Variants in ELMO1 observed in about 807,000 individuals in gnomAD.
ELMO1 encodes the protein engulfment and cell motility 1.
In ELMO1, 26 loss-of-function variants were observed where a neutral mutation model predicts 98.9. That is an observed-to-expected ratio of 0.26 (90% CI 0.19 to 0.36). ELMO1 has a LOEUF of 0.36. Among genes scored for constraint, ELMO1 ranks in the 10% least tolerant of loss-of-function variants. The pLI is 1.00. For synonymous variants in ELMO1, 346 were observed against 346.0 expected (o/e 1.00, Z 0.00); for missense variants, 627 against 935.2 (o/e 0.67, Z 4.30).
At chr7:37,038,330 T>G (rs956569115) in intron 15 of ELMO1, among the ~76,000 whole-genome samples, 1 of 152,194 alleles carries the variant, frequency 6.6e-6, no homozygotes, top group African/African-American at 2.4e-5. Context: ...TGTCCCTGGA[T>G]GCTTTAGGTT....
At chr7:36,980,352 G>A (rs370033794) in intron 16 of ELMO1, among the ~76,000 whole-genome samples, 2 of 152,192 alleles carry the variant, frequency 1.3e-5, no homozygotes, top group South Asian at 4.1e-4. Context: ...TCTGAAGCTC[G>A]ATCTGGATAC....
chr7:37,100,834 T>C (rs1784598952), intron 14 of ELMO1, among the ~76,000 whole-genome samples: 1 of 152,244 alleles, frequency 6.6e-6, no homozygotes, highest in African/African-American at 2.4e-5. Context: ...TGAGAAGCAC[T>C]GATAATGTGG....
intron 15 of ELMO1, among the ~76,000 whole-genome samples, chr7:37,066,537 T>C (rs1796978548): frequency 1.3e-5 from 2 of 152,168 alleles, no homozygotes; most frequent in Non-Finnish European, 2.9e-5. Context: ...TAGGCCTCTG[T>C]GCCTCAAAGA....
intron 19 of ELMO1, among the ~76,000 whole-genome samples, chr7:36,873,352 G>A (rs1459580454): frequency 6.6e-6 from 1 of 152,156 alleles, no homozygotes; most frequent in Admixed American, 6.5e-5. Flanking sequence ...TCAAAGCCAG[G>A]CTAGCATTTT....
chr7:37,029,106 G>C (rs773528983), intron 15 of ELMO1, among the ~76,000 whole-genome samples: 1 of 152,138 alleles, frequency 6.6e-6, no homozygotes, highest in Admixed American at 6.5e-5. Flanking sequence ...CCAGACGTAC[G>C]TGCAGGAGGC....
chr7:37,339,409 T>C (rs1388771218), intron 2 of ELMO1, among the ~76,000 whole-genome samples: 1 of 152,148 alleles, frequency 6.6e-6, no homozygotes, highest in Non-Finnish European at 1.5e-5. Flanking sequence ...TGGGAGACAA[T>C]AGAGCAGCAG....
At chr7:37,008,443 T>C (rs1440832934) in intron 16 of ELMO1, among the ~76,000 whole-genome samples, 1 of 152,222 alleles carries the variant, frequency 6.6e-6, no homozygotes, top group African/African-American at 2.4e-5. Context: ...CATGGGTTAC[T>C]AATTCAGTTC....
chr7:37,280,689 A>T (rs1239929735), intron 4 of ELMO1, among the ~76,000 whole-genome samples: 2 of 150,410 alleles, frequency 1.3e-5, no homozygotes, highest in Non-Finnish European at 1.5e-5. Context: ...AATCAAAAAA[A>T]TAAAAAAAAC....
At chr7:36,965,499 C>T (rs954510303) in intron 16 of ELMO1, among the ~76,000 whole-genome samples, 4 of 152,086 alleles carry the variant, frequency 2.6e-5, no homozygotes, top group African/African-American at 4.8e-5. Context: ...GGGGAATTGC[C>T]GAGATGCTCA....
intron 9 of ELMO1, 97 bp from the exon 10 acceptor site, chr7:37,222,790 C>T: frequency 9.2e-7 from 1 of 1,081,518 alleles, no homozygotes; most frequent in Non-Finnish European, 1.4e-6. Flanking sequence ...CAGCCCCCTC[C>T]CCCCAAAAAA....
rs1447612766 is a variant in ELMO1, at chr7:36,870,031, G to A, written c.1905+362C>T. On this transcript the variant is annotated intron_variant, in intron 20 of 21. Transcript: ENST00000310758. This position sits in a 1 kb window ranked among gnomAD's most constrained non-coding sequence, Gnocchi z 4.4. Reference sequence around the variant, plus strand: ...AATGAAAGATATTGGGGTGGAAGTTGGAGAAGGGAGAAATAAACATAAATG... The same window carrying A: ...AATGAAAGATATTGGGGTGGAAGTTAGAGAAGGGAGAAATAAACATAAATG... Among the ~76,000 whole-genome samples the A allele has an allele frequency of 2.0e-5, 3 of 152,218 alleles. No homozygotes were observed. The highest frequency in any genetic ancestry group is 7.2e-5 in the African/African-American group (3 of 41,464).
At chr7:37,010,307 G>A (rs146479605) in intron 16 of ELMO1, among the ~76,000 whole-genome samples, 1 of 152,320 alleles carries the variant, frequency 6.6e-6, no homozygotes, top group East Asian at 1.9e-4. Flanking sequence ...CAGAATAACA[G>A]CTTCCCATTG....
At chr7:37,268,032 T>C (rs1478277511) in intron 5 of ELMO1, among the ~76,000 whole-genome samples, 1 of 152,236 alleles carries the variant, frequency 6.6e-6, no homozygotes, top group Non-Finnish European at 1.5e-5. Context: ...ACTACAAATA[T>C]AGTCACCATA....
chr7:37,129,769 T>C lies in ELMO1; in HGVS notation c.1191+3361A>G, dbSNP rs577595673. ...TTGGTTTTCTAGCGGGACAGTGATT[T>C]GTCTAAACTTAATTCTCATCTTCAT... On this transcript the variant is annotated intron_variant, in intron 14 of 21. Transcript: ENST00000310758. Among the ~76,000 whole-genome samples the C allele has an allele frequency of 7.2e-5, 11 of 152,336 alleles. No individual in the cohort carries two copies. The South Asian group carries it at 2.1e-3, about 29-fold the overall frequency.
intron 1 of ELMO1, among the ~76,000 whole-genome samples, chr7:37,352,325 T>C (rs1801308655): frequency 6.6e-6 from 1 of 152,210 alleles, no homozygotes; most frequent in East Asian, 1.9e-4. Flanking sequence ...GGTCTCGAAC[T>C]CCTGAGCTCA....
intron 15 of ELMO1, among the ~76,000 whole-genome samples, chr7:37,034,981 G>A (rs1386550666): frequency 1.3e-5 from 2 of 152,194 alleles, no homozygotes; most frequent in Non-Finnish European, 2.9e-5. Context: ...AGGCAGCCCT[G>A]ATCATAAACC....
Position 37,098,077 on chromosome 7 carries a change from C to T in ELMO1, c.1192-1350G>A, listed in dbSNP as rs1784455121. ...CTAAAGCTTCTTCTCCAAAACTCAT[C>T]CCCAGTAAGAGTTGTCTGGGACTTC... is the stretch of plus-strand genomic sequence containing the variant. On this transcript the variant is annotated intron_variant, in intron 14 of 21. Coordinates refer to ENST00000310758, the MANE Select transcript of ELMO1 (RefSeq NM_014800.11). Among the ~76,000 whole-genome samples, 3 of 152,222 alleles carry T rather than the reference C, an allele frequency of 2.0e-5. No individual in the cohort carries two copies. The South Asian group carries it at 6.2e-4, about 31-fold the overall frequency.
At chr7:37,028,805 G>T (rs1026053672) in intron 15 of ELMO1, among the ~76,000 whole-genome samples, 2 of 152,124 alleles carry the variant, frequency 1.3e-5, no homozygotes, top group African/African-American at 4.8e-5. Flanking sequence ...TGTACATTCT[G>T]ATTTTAGTAA....
At chr7:37,069,537 T>A (rs1797160866) in intron 15 of ELMO1, among the ~76,000 whole-genome samples, 1 of 152,158 alleles carries the variant, frequency 6.6e-6, no homozygotes, top group Non-Finnish European at 1.5e-5. Flanking sequence ...AATTCTCAAA[T>A]TGTGCCTCAC....
Sources: gnomAD v4.1 joint callset for allele counts (sites outside exome capture counted in the v4.1 genomes callset) on GRCh38, gnomAD v4.1.1 for gene constraint, Gnocchi (gnomAD v3.1) non-coding constraint, MANE v1.5 for transcripts, NCBI Gene and HGNC (gene_info 2026-07-23, HGNC 2026-07-21) for gene names.